The following NPAS3 variants were observed in gnomAD, a reference collection of about 807,000 sequenced individuals.
NPAS3 encodes neuronal PAS domain protein 3.
NPAS3 carries 14 observed loss-of-function variants against 73.1 expected under a neutral mutation model. That is an observed-to-expected ratio of 0.19 (90% CI 0.13 to 0.30). The LOEUF is 0.30. NPAS3 is among the 10% of genes least tolerant of loss of function. The pLI is 1.00. For synonymous variants in NPAS3, 620 were observed against 541.5 expected (o/e 1.14, Z -2.01); for missense variants, 1,096 against 1,250.0 (o/e 0.88, Z 1.86).
At chr14:32,985,093 G>A (rs1414874897) in intron 1 of NPAS3, among the ~76,000 whole-genome samples, 1 of 149,424 alleles carries the variant, frequency 6.7e-6, no homozygotes, top group African/African-American at 2.5e-5. Context: ...ATTATTTGTT[G>A]ATATTCATGG....
At chr14:33,083,458 A>G (rs999432472) in intron 2 of NPAS3, among the ~76,000 whole-genome samples, 2 of 152,058 alleles carry the variant, frequency 1.3e-5, no homozygotes, top group Admixed American at 6.6e-5. Context: ...GTTCCTAATC[A>G]TGTATACCTC....
chr14:33,561,996 C>T (rs554645655), intron 5 of NPAS3, among the ~76,000 whole-genome samples: 6 of 152,206 alleles, frequency 3.9e-5, no homozygotes, highest in Admixed American at 3.9e-4. Context: ...ATAATAATTG[C>T]ATTATTCTGG....
chr14:33,797,472 G>C, exon 11 of NPAS3: 3 of 1,614,154 alleles, frequency 1.9e-6, no homozygotes, highest in Non-Finnish European at 2.5e-6. Flanking sequence ...CTGAGTACAA[G>C]GACACACCCA....
intron 2 of NPAS3, among the ~76,000 whole-genome samples, chr14:33,163,638 T>C (rs1397060396): frequency 1.3e-4 from 19 of 151,574 alleles, no homozygotes; most frequent in African/African-American, 4.3e-4. Flanking sequence ...TTTTTTTTTT[T>C]TTTTTCAAAT....
At chr14:33,492,657 G>A (rs192262339) in intron 4 of NPAS3, among the ~76,000 whole-genome samples, 42 of 152,282 alleles carry the variant, frequency 2.8e-4, no homozygotes, top group African/African-American at 9.6e-4. Flanking sequence ...TCTTGGTAAC[G>A]GAAAGGACAT....
chr14:33,198,731 A>G (rs915731224), intron 2 of NPAS3, among the ~76,000 whole-genome samples: 14 of 152,252 alleles, frequency 9.2e-5, no homozygotes, highest in African/African-American at 3.4e-4. Context: ...GCCCTGCGCC[A>G]TTCGCCTGCA....
At chr14:33,783,128 A>G (rs963448676) in intron 9 of NPAS3, among the ~76,000 whole-genome samples, 1 of 152,188 alleles carries the variant, frequency 6.6e-6, no homozygotes. Flanking sequence ...GCAACACAAG[A>G]TGTCCTCCAT....
chr14:33,407,719 C>T (rs1421425712), intron 4 of NPAS3, among the ~76,000 whole-genome samples: 1 of 151,920 alleles, frequency 6.6e-6, no homozygotes, highest in Non-Finnish European at 1.5e-5. Context: ...TTTTTTTTCC[C>T]TCTCTTCCAA....
intron 1 of NPAS3, among the ~76,000 whole-genome samples, chr14:32,948,574 G>A (rs982812629): frequency 6.6e-6 from 1 of 151,990 alleles, no homozygotes; most frequent in Non-Finnish European, 1.5e-5. Context: ...TACGAGCAAT[G>A]GTTAGTTTTT....
intron 5 of NPAS3, among the ~76,000 whole-genome samples, chr14:33,566,464 C>A (rs1376982706): frequency 6.6e-6 from 1 of 152,098 alleles, no homozygotes; most frequent in African/African-American, 2.4e-5. Flanking sequence ...TCCACCCCAC[C>A]CTTCCAAATA....
intron 4 of NPAS3, among the ~76,000 whole-genome samples, chr14:33,408,561 A>C (rs1265481819): frequency 6.6e-6 from 1 of 152,156 alleles, no homozygotes; most frequent in Non-Finnish European, 1.5e-5. Context: ...AACACCTTGC[A>C]TGAGGTAATT....
intron 3 of NPAS3, among the ~76,000 whole-genome samples, chr14:33,241,562 A>G (rs1185274576): frequency 6.6e-6 from 1 of 151,954 alleles, no homozygotes; most frequent in Non-Finnish European, 1.5e-5. Flanking sequence ...ATGAAGCTCA[A>G]ATAAAGTGAA....
intron 1 of NPAS3, among the ~76,000 whole-genome samples, chr14:32,981,547 TA>T (rs1209180668): frequency 6.6e-6 from 1 of 152,254 alleles, no homozygotes; most frequent in African/African-American, 2.4e-5. Flanking sequence ...TATTTCACAT[TA>T]AAATGTTCAG....
At chr14:33,209,349 G>A (rs1391345020) in intron 2 of NPAS3, among the ~76,000 whole-genome samples, 1 of 152,124 alleles carries the variant, frequency 6.6e-6, no homozygotes, top group East Asian at 1.9e-4. Flanking sequence ...TCTATGTAAT[G>A]TCAATGTGGG....
intron 4 of NPAS3, among the ~76,000 whole-genome samples, chr14:33,520,134 T>A (rs9672008): frequency 0.27 from 41,170 of 151,638 alleles, 6,244 homozygotes; most frequent in African/African-American, 0.42. Flanking sequence ...CTAGCAGAAG[T>A]TTTGAAGGAT....
chr14:33,325,600 T>TCGTG (rs1198987333), intron 3 of NPAS3, among the ~76,000 whole-genome samples: 6 of 146,408 alleles, frequency 4.1e-5, no homozygotes, highest in Middle Eastern at 3.3e-3. Context: ...TGAGTCAAGA[T>TCGTG]CGTGCCCTCA....
chr14:33,315,215 G>A (rs1255990294), intron 3 of NPAS3, among the ~76,000 whole-genome samples: 2 of 151,980 alleles, frequency 1.3e-5, no homozygotes, highest in African/African-American at 4.8e-5. Context: ...GCAAACAAAT[G>A]TTTATCTGGA....
chr14:32,997,760 TA>T (rs36083770), intron 1 of NPAS3, among the ~76,000 whole-genome samples: 1,301 of 112,720 alleles, frequency 0.012, 4 homozygotes, highest in East Asian at 0.051. Flanking sequence ...CCGTCTCTAC[TA>T]AAAAAAAAAA....
In NPAS3 at chr14:33,717,230, C is replaced by CAAA. The variant is rs35800734; in HGVS notation, c.734-17966_734-17964dup. 4.7e-3 allele frequency among the ~76,000 whole-genome samples: 484 copies of CAAA among 102,178 alleles called. 3 individuals are homozygous for CAAA. The highest frequency in any genetic ancestry group is 0.017 in the Middle Eastern group (3 of 174). The allele number at this position is 102,178 out of a possible 152,430, so 67.0% of individuals were successfully genotyped here. ...TGGGCTTTTTCCATCTGATCATGGC[C>CAAA]AAAAAAAAAAAAAAAAAAAATCGCA... On this transcript the variant is annotated intron_variant, in intron 6 of 11. Transcript: ENST00000356141.
Sources: allele counts gnomAD v4.1 joint callset (sites outside exome capture counted in the v4.1 genomes callset), GRCh38; gene constraint gnomAD v4.1.1; transcripts MANE v1.5; gene names NCBI Gene and HGNC (gene_info 2026-07-23, HGNC 2026-07-21).